The following RFFL variants were observed in gnomAD, a reference collection of about 807,000 sequenced individuals.
The protein encoded by RFFL is ring finger and FYVE like domain containing E3 ubiquitin protein ligase.
Under a neutral mutation model 40.4 loss-of-function variants are expected in RFFL, and 16 were observed. The ratio of observed to expected loss-of-function variants is 0.40; its 90% CI spans 0.27 to 0.60. The LOEUF (loss-of-function observed/expected upper bound fraction) is 0.60, where lower values mean the gene tolerates loss of function less well. Among genes scored for constraint, RFFL ranks in the 20% least tolerant of loss-of-function variants. The probability of loss-of-function intolerance (pLI) is 0.47; values close to 1 mark genes in which losing one functional copy is unlikely to be tolerated. For synonymous variants in RFFL, 154 were observed against 167.9 expected, an observed-to-expected ratio of 0.92 and a Z score of 0.64; for missense variants, 367 against 451.7, an observed-to-expected ratio of 0.81 and a Z score of 1.70.
chr17:35,008,343 TGA>T lies in RFFL; in HGVS notation c.*3623_*3624del, dbSNP rs890618845. On this transcript the variant is annotated 3_prime_UTR_variant, in exon 7 of 7. Coordinates refer to ENST00000394597, the MANE Select transcript of RFFL (RefSeq NM_001017368.2). ...GCAAGTTAGTTAGTTACAACAACAC[TGA>T]GCATCTTGACCAAGGTCACTTGGCC... is the stretch of plus-strand genomic sequence containing the variant. 6.6e-6 allele frequency: 1 copy of T among 152,280 alleles called. No individual in the cohort carries two copies. Among genetic ancestry groups the T allele is most frequent in the Non-Finnish European group, 1.5e-5 (1 of 68,062 alleles). The allele number at this position is 152,280 out of a possible 1,614,324, so 9.4% of individuals were successfully genotyped here. A position where few individuals can be genotyped will look rare whatever the true frequency, so the allele number is the denominator to read the frequency against.
At chr17:35,021,193 A>G (rs1487816517) in intron 3 of RFFL, among the ~76,000 whole-genome samples, 178 bp downstream of exon 3, 2 of 152,252 alleles carry the variant, frequency 1.3e-5, no homozygotes, top group Non-Finnish European at 2.9e-5. Flanking sequence ...ACCTCTGAAG[A>G]AAGCCAAAAC....
intron 1 of RFFL, among the ~76,000 whole-genome samples, chr17:35,056,375 CTTTTT>C (rs71147455): frequency 8.3e-6 from 1 of 120,722 alleles, no homozygotes; most frequent in Non-Finnish European, 1.7e-5. Flanking sequence ...TTTACTTCTA[CTTTTT>C]TTTTTTTTTT....
intron 1 of RFFL, among the ~76,000 whole-genome samples, chr17:35,033,207 G>A (rs2091096919): frequency 6.6e-6 from 1 of 152,020 alleles, no homozygotes; most frequent in African/African-American, 2.4e-5. Context: ...ATAAATGATT[G>A]GAATAGGAGT....
intron 1 of RFFL, among the ~76,000 whole-genome samples, chr17:35,041,767 A>G (rs1276700088): frequency 6.6e-6 from 1 of 152,168 alleles, no homozygotes. Context: ...CTACAATCCC[A>G]GCACTCTGGG....
At chr17:35,087,270 AAGC>A (rs2091435869) in intron 1 of RFFL, among the ~76,000 whole-genome samples, 1 of 151,942 alleles carries the variant, frequency 6.6e-6, no homozygotes, top group Admixed American at 6.6e-5. Context: ...AGAGTCACCT[AAGC>A]CTAGGAGGTC....
At position 35,081,521 on chromosome 17, in the gene RFFL, A is replaced by G. The variant is rs192209077; in HGVS notation, c.-9+7584T>C. 3.2e-3 allele frequency among the ~76,000 whole-genome samples: 488 copies of G among 152,294 alleles called. 3 individuals are homozygous for G. The highest frequency in any genetic ancestry group is 5.8e-3 in the Non-Finnish European group (393 of 68,018). Reference sequence around the variant, plus strand: ...TTAGGAGTTTCCAAAAATGGCACACATTTCCTCAAGAGATGTAGAAAAAAA... The same window carrying G: ...TTAGGAGTTTCCAAAAATGGCACACGTTTCCTCAAGAGATGTAGAAAAAAA... On this transcript the variant is annotated intron_variant, in intron 1 of 6. Transcript: ENST00000315249.
At chr17:35,070,774 T>C (rs2091344592) in intron 1 of RFFL, among the ~76,000 whole-genome samples, 3 of 152,178 alleles carry the variant, frequency 2.0e-5, no homozygotes, top group Admixed American at 6.5e-5. Flanking sequence ...TGACACTGTA[T>C]GGAGGCAGAT....
chr17:35,027,165 A>G (rs2091046796), intron 1 of RFFL, among the ~76,000 whole-genome samples: 1 of 152,190 alleles, frequency 6.6e-6, no homozygotes, highest in South Asian at 2.1e-4. Flanking sequence ...TATGTTGTCC[A>G]TTCATTGATT....
intron 2 of RFFL, among the ~76,000 whole-genome samples, chr17:35,025,518 A>T (rs2142326578): frequency 6.6e-6 from 1 of 152,336 alleles, no homozygotes; most frequent in South Asian, 2.1e-4. Flanking sequence ...TAAATGAAAT[A>T]AAAAAATTTA....
intron 1 of RFFL, among the ~76,000 whole-genome samples, chr17:35,027,103 T>C (rs2091046214): frequency 6.6e-6 from 1 of 152,136 alleles, no homozygotes; most frequent in South Asian, 2.1e-4. Context: ...AGAGTTGAGA[T>C]TCTACAAACC....
chr17:35,074,452 C>A (rs1001573458), intron 1 of RFFL: 1 of 152,102 alleles, frequency 6.6e-6, no homozygotes. Context: ...CTTCTGCAGC[C>A]GACATATTTG....
intron 1 of RFFL, among the ~76,000 whole-genome samples, chr17:35,062,444 A>AAGTACAGTAC (rs1467174407): frequency 1.3e-5 from 2 of 152,100 alleles, no homozygotes; most frequent in African/African-American, 2.4e-5. Flanking sequence ...AGAGTTGAGA[A>AAGTACAGTAC]AGTACAGTAC....
At chr17:35,063,482 A>AAAAC (rs2091305563) in intron 1 of RFFL, 94 bp downstream of exon 1, 1 of 155,384 alleles carries the variant, frequency 6.4e-6, no homozygotes, top group African/African-American at 2.4e-5. Flanking sequence ...AAAAAAAAAA[A>AAAAC]AAAAACCTGA....
intron 1 of RFFL, among the ~76,000 whole-genome samples, chr17:35,070,135 T>C (rs1210833431): frequency 6.6e-6 from 1 of 151,980 alleles, no homozygotes; most frequent in Admixed American, 6.6e-5. Context: ...CTAGTAGGGA[T>C]GGGGGTCTAA....
At chr17:35,066,104 CAGA>C (rs1200954929), upstream of RFFL, among the ~76,000 whole-genome samples, 5 of 152,140 alleles carry the variant, frequency 3.3e-5, no homozygotes, top group African/African-American at 4.8e-5. Flanking sequence ...GCCCAGGCGA[CAGA>C]AGGAGACTCC....
At chr17:35,028,033 C>T (rs1189422699) in intron 1 of RFFL, among the ~76,000 whole-genome samples, 1 of 122,690 alleles carries the variant, frequency 8.2e-6, no homozygotes, top group East Asian at 2.4e-4. Context: ...AACTCCATCT[C>T]AAAAAAAAAA....
intron 1 of RFFL, among the ~76,000 whole-genome samples, chr17:35,046,990 G>A (rs2091203540): frequency 6.6e-6 from 1 of 152,140 alleles, no homozygotes; most frequent in Non-Finnish European, 1.5e-5. Context: ...AGAATAAATG[G>A]ACCTGCAGTT....
intron 1 of RFFL, among the ~76,000 whole-genome samples, chr17:35,054,673 C>G (rs1374281048): frequency 6.6e-6 from 1 of 152,036 alleles, no homozygotes; most frequent in Non-Finnish European, 1.5e-5. Context: ...CCTTTCATTC[C>G]TCTCTAGCTG....
chr17:35,011,745 C>T lies in RFFL; in HGVS notation c.*223G>A. On this transcript the variant is annotated 3_prime_UTR_variant, in exon 7 of 7. Coordinates refer to ENST00000394597, the MANE Select transcript of RFFL (RefSeq NM_001017368.2). Reference sequence around the variant, plus strand: ...AAGATCACTGAACCAAGAACATACCCATGTGATTTATACAAGTTCCCACTG... The same window carrying T: ...AAGATCACTGAACCAAGAACATACCTATGTGATTTATACAAGTTCCCACTG... The T allele has an allele frequency of 1.8e-6, 1 of 550,074 alleles. No individual in the cohort carries two copies. Among genetic ancestry groups the T allele is most frequent in the Middle Eastern group, 4.9e-4 (1 of 2,042 alleles). 34.1% of individuals were successfully genotyped at this position (550,074 alleles called of 1,614,324 possible).
Sources: gnomAD v4.1 joint callset for allele counts (sites outside exome capture counted in the v4.1 genomes callset) on GRCh38, gnomAD v4.1.1 for gene constraint, MANE v1.5 for transcripts, NCBI Gene and HGNC (gene_info 2026-07-23, HGNC 2026-07-21) for gene names.